CTIF: variants seen among roughly 807,000 people sequenced by gnomAD.
CTIF encodes the protein CBP80/20-dependent translation initiation factor.
CTIF carries 21 observed loss-of-function variants against 66.0 expected under a neutral mutation model. The ratio of observed to expected loss-of-function variants is 0.32; its 90% CI spans 0.23 to 0.46. The LOEUF is 0.46. Ranked by LOEUF, CTIF falls within the 20% of genes least tolerant of loss-of-function variation. CTIF has a pLI of 1.00. For synonymous variants in CTIF, 345 were observed against 326.4 expected, an observed-to-expected ratio of 1.06 and a Z score of -0.62; for missense variants, 739 against 812.7, an observed-to-expected ratio of 0.91 and a Z score of 1.10.
At chr18:48,738,932 G>GA (rs1048159367) in intron 7 of CTIF, among the ~76,000 whole-genome samples, 66 of 152,264 alleles carry the variant, frequency 4.3e-4, no homozygotes, top group African/African-American at 1.5e-3. Context: ...CTCGCTTAGG[G>GA]ACCTGCCCAG....
intron 6 of CTIF, among the ~76,000 whole-genome samples, chr18:48,703,303 G>A (rs748617170): frequency 1.3e-5 from 2 of 152,170 alleles, no homozygotes; most frequent in African/African-American, 2.4e-5. Flanking sequence ...TGATCAGCTG[G>A]GAGGGAGCAG....
rs1406241136 is a variant in CTIF, at chr18:48,663,937, G to A, written c.326+112G>A. On this transcript the variant is annotated intron_variant, in intron 4 of 11. Coordinates refer to ENST00000256413, the MANE Select transcript of CTIF (RefSeq NM_014772.3). ...CATGAGCAAGAGGCAGAGAGAAGCA[G>A]AGTAGGGGATGTAGGAAGGATGGGG... is the stretch of plus-strand genomic sequence containing the variant. The A allele has an allele frequency of 1.4e-5, 14 of 982,356 alleles. 1 individual carries two copies. Among genetic ancestry groups the A allele is most frequent in the East Asian group, 2.4e-5 (1 of 41,818 alleles). The allele number at this position is 982,356 out of a possible 1,614,324, so 60.9% of individuals were successfully genotyped here. A position where few individuals can be genotyped will look rare whatever the true frequency, so the allele number is the denominator to read the frequency against.
intron 9 of CTIF, among the ~76,000 whole-genome samples, chr18:48,771,547 G>T (rs867452161): frequency 6.6e-6 from 1 of 152,284 alleles, no homozygotes; most frequent in East Asian, 1.9e-4. Flanking sequence ...TTCCCTGCAT[G>T]CCCTCACCCC....
chr18:48,654,430 T>C (rs1349560186), intron 3 of CTIF, among the ~76,000 whole-genome samples: 1 of 152,176 alleles, frequency 6.6e-6, no homozygotes, highest in Non-Finnish European at 1.5e-5. Flanking sequence ...TGAGATACCA[T>C]CTCACACCAG....
chr18:48,559,831 A>G (rs991804856), intron 1 of CTIF, among the ~76,000 whole-genome samples: 1 of 152,206 alleles, frequency 6.6e-6, no homozygotes, highest in African/African-American at 2.4e-5. Context: ...GTGAAGATCA[A>G]AAAACGACCT....
At chr18:48,587,075 C>CTTTTTT (rs778079682) in intron 1 of CTIF, among the ~76,000 whole-genome samples, 1 of 128,032 alleles carries the variant, frequency 7.8e-6, no homozygotes, top group Non-Finnish European at 1.7e-5. Flanking sequence ...AAGCCACATT[C>CTTTTTT]TTTTTTTTTT....
intron 9 of CTIF, among the ~76,000 whole-genome samples, chr18:48,777,486 C>T (rs7238748): frequency 0.083 from 12,674 of 152,178 alleles, 948 homozygotes; most frequent in African/African-American, 0.2. Flanking sequence ...ACCTCCAAAA[C>T]GGGCCAGTGT....
chr18:48,670,478 C>T (rs1010912080), intron 5 of CTIF, 191 bp from the exon 6 acceptor site: 2 of 447,458 alleles, frequency 4.5e-6, no homozygotes, highest in Non-Finnish European at 7.7e-6. Context: ...TGTTGCATTA[C>T]GGGAGGACCC....
At chr18:48,681,772 TTTTG>T (rs543174265) in intron 6 of CTIF, among the ~76,000 whole-genome samples, 52 of 149,494 alleles carry the variant, frequency 3.5e-4, no homozygotes, top group East Asian at 1.2e-3. Context: ...CACACCTGGT[TTTTG>T]TTTGTTTGTT....
At chr18:48,546,647 G>A (rs1237174556) in intron 1 of CTIF, among the ~76,000 whole-genome samples, 1 of 152,106 alleles carries the variant, frequency 6.6e-6, no homozygotes, top group Non-Finnish European at 1.5e-5. Flanking sequence ...AGGTGTTGAG[G>A]GGTGCTTCCT....
chr18:48,597,195 C>T (rs2144074293), intron 1 of CTIF, among the ~76,000 whole-genome samples: 1 of 152,326 alleles, frequency 6.6e-6, no homozygotes, highest in East Asian at 1.9e-4. Flanking sequence ...TTGCTGACTG[C>T]CTACCTTGCA....
At chr18:48,762,758 G>A (rs1209046631) in intron 9 of CTIF, among the ~76,000 whole-genome samples, 1 of 152,224 alleles carries the variant, frequency 6.6e-6, no homozygotes, top group Non-Finnish European at 1.5e-5. Context: ...TAGACAACAG[G>A]TGTAAACAAG....
intron 6 of CTIF, among the ~76,000 whole-genome samples, chr18:48,696,543 C>T (rs1037345167): frequency 5.9e-5 from 9 of 152,164 alleles, no homozygotes; most frequent in South Asian, 2.1e-4. Context: ...CTTGAGCTCT[C>T]GGGACCTAGG....
chr18:48,670,647 C>T (rs1440941192), intron 5 of CTIF, 22 bp from the exon 6 acceptor site: 3 of 1,611,406 alleles, frequency 1.9e-6, no homozygotes, highest in Admixed American at 1.7e-5. Flanking sequence ...TTTCCAATGC[C>T]TTTCTGTCTT....
At chr18:48,745,868 C>T (rs979128015) in intron 7 of CTIF, among the ~76,000 whole-genome samples, 1 of 152,178 alleles carries the variant, frequency 6.6e-6, no homozygotes, top group East Asian at 1.9e-4. Flanking sequence ...AACGTCTCAC[C>T]ATGGCCCCAT....
At chr18:48,696,485 A>G (rs1363293808) in intron 6 of CTIF, among the ~76,000 whole-genome samples, 1 of 152,078 alleles carries the variant, frequency 6.6e-6, no homozygotes, top group African/African-American at 2.4e-5. Context: ...CCCCCGCCAG[A>G]CATATTGCTC....
intron 9 of CTIF, among the ~76,000 whole-genome samples, chr18:48,775,739 G>C (rs961271750): frequency 2.6e-5 from 4 of 152,256 alleles, no homozygotes; most frequent in African/African-American, 9.6e-5. Context: ...GGAGGAGGAA[G>C]CATGAAGGAA....
intron 2 of CTIF, among the ~76,000 whole-genome samples, chr18:48,626,655 T>C (rs11659403): frequency 2.3e-5 from 3 of 129,572 alleles, no homozygotes; most frequent in Admixed American, 2.2e-4. Context: ...GTTTTTTTTT[T>C]GTTTTTTTTT....
chr18:48,718,848 C>T (rs1598920360), intron 7 of CTIF, among the ~76,000 whole-genome samples: 2 of 152,134 alleles, frequency 1.3e-5, no homozygotes, highest in South Asian at 4.1e-4. Context: ...TTCTTTTACT[C>T]CAATCAATAT....
Sources: allele counts gnomAD v4.1 joint callset (sites outside exome capture counted in the v4.1 genomes callset), GRCh38; gene constraint gnomAD v4.1.1; transcripts MANE v1.5; gene names NCBI Gene and HGNC (gene_info 2026-07-23, HGNC 2026-07-21).